Variants in LLGL2 observed in about 807,000 individuals in gnomAD.
LLGL2 encodes the protein LLGL scribble cell polarity complex component 2.
LLGL2 carries 81 observed loss-of-function variants against 123.2 expected under a neutral mutation model. The ratio of observed to expected loss-of-function variants is 0.66; its 90% CI spans 0.55 to 0.79. LLGL2 has a LOEUF of 0.79. LLGL2 is among the 30% of genes least tolerant of loss of function. LLGL2 has a pLI of 0.00. For missense variants in LLGL2, 1,273 were observed against 1,414.6 expected, an observed-to-expected ratio of 0.90 and a Z score of 1.61; for synonymous variants, 577 against 594.1, an observed-to-expected ratio of 0.97 and a Z score of 0.42.
At chr17:75,526,601 C>A (rs1398585183) in intron 1 of LLGL2, among the ~76,000 whole-genome samples, 1 of 152,110 alleles carries the variant, frequency 6.6e-6, no homozygotes, top group Non-Finnish European at 1.5e-5. Context: ...AGGCTCTCAC[C>A]TGAACAGGTG....
rs377462870 is a variant in LLGL2, at chr17:75,563,104, G to A, written c.619G>A (p.Gly207Ser). 2.6e-5 allele frequency: 42 copies of A among 1,613,068 alleles called. No homozygotes were observed. The highest frequency in any genetic ancestry group is 5.3e-5 in the African/African-American group (4 of 74,948). Residue 207 changes from glycine to serine, a missense_variant, in exon 7 of 26, where the codon GGC becomes AGC. Gly to Ser is a moderately conservative substitution (Grantham distance 56, BLOSUM62 0). Transcript: ENST00000392550. ...TCGAGACCCCAACCAGATCCTGATC[G>A]GCTACAGCCGAGGCCTCGTTGTCAT... is the stretch of plus-strand genomic sequence containing the variant. ...HPRDPNQILI[G>S]YSRGLVVIWD... is the part of the protein sequence containing the mutation.
intron 1 of LLGL2, among the ~76,000 whole-genome samples, chr17:75,528,262 C>T (rs2147056856): frequency 6.6e-6 from 1 of 152,104 alleles, no homozygotes; most frequent in South Asian, 2.1e-4. Context: ...ACCACAGGCG[C>T]CTGCCATCAC....
chr17:75,558,353 G>A lies in LLGL2; in HGVS notation c.255+117G>A. The A allele has an allele frequency of 8.3e-7, 1 of 1,200,224 alleles. No individual in the cohort carries two copies. The highest frequency in any genetic ancestry group is 1.2e-6 in the Non-Finnish European group (1 of 851,444). The allele number at this position is 1,200,224 out of a possible 1,614,324, so 74.3% of individuals were successfully genotyped here. A position where few individuals can be genotyped will look rare whatever the true frequency, so the allele number is the denominator to read the frequency against. ...GGTGGCCCTGGGTTTGCTGCTGATG[G>A]AAAGACCTGGGACCCCCTCCCTTTC... On this transcript the variant is annotated intron_variant, in intron 4 of 25. Coordinates refer to ENST00000392550, the MANE Select transcript of LLGL2 (RefSeq NM_001031803.2). The surrounding 1 kb of genome is among the most constrained non-coding windows in gnomAD (Gnocchi z 4.0).
At chr17:75,538,437 C>T (rs957829233) in intron 1 of LLGL2, 3 of 152,204 alleles carry the variant, frequency 2.0e-5, no homozygotes, top group South Asian at 2.1e-4. Flanking sequence ...TTCTGCCTAA[C>T]ACACTGTGCC....
chr17:75,526,226 G>C (rs1055435513), intron 1 of LLGL2, among the ~76,000 whole-genome samples: 1 of 151,968 alleles, frequency 6.6e-6, no homozygotes, highest in Non-Finnish European at 1.5e-5. Context: ...CCTCCCCACG[G>C]GCGGCGGCCG....
rs1409870565 is a variant in LLGL2 at position 75,547,662 on chromosome 17, T to G, written c.75+4161T>G. Among the ~76,000 whole-genome samples the G allele has an allele frequency of 6.6e-5, 10 of 152,122 alleles. 1 individual carries two copies. In the Middle Eastern group the frequency reaches 0.014, roughly 207 times the overall value. ...CAACATGGCGAAACCCCATCTCTAC[T>G]AAAAATACAAAAATCAGTTGGGTGT... On this transcript the variant is annotated intron_variant, in intron 2 of 25. Coordinates refer to ENST00000392550, the MANE Select transcript of LLGL2 (RefSeq NM_001031803.2).
intron 10 of LLGL2, among the ~76,000 whole-genome samples, chr17:75,566,588 G>C (rs2055452694): frequency 6.6e-6 from 1 of 152,200 alleles, no homozygotes; most frequent in Non-Finnish European, 1.5e-5. Context: ...ACAACACAAG[G>C]GGCGTATCCG....
intron 2 of LLGL2, among the ~76,000 whole-genome samples, chr17:75,554,758 G>A (rs1476605743): frequency 2.6e-5 from 4 of 151,854 alleles, no homozygotes; most frequent in South Asian, 2.1e-4. Context: ...GCGTGGTGGC[G>A]GGCGCCTGTA....
At chr17:75,574,380 GA>G (rs2055877755) in intron 23 of LLGL2, 72 bp from the exon 24 acceptor site, 1 of 1,539,778 alleles carries the variant, frequency 6.5e-7, no homozygotes, top group East Asian at 2.4e-5. Context: ...CACCCACGGA[GA>G]AAGGGGGTGG....
chr17:75,525,811 G>C lies in LLGL2; in HGVS notation c.-45G>C, dbSNP rs1330334423. The C allele has an allele frequency of 6.6e-6, 1 of 151,542 alleles. No homozygotes were observed. The highest frequency in any genetic ancestry group is 1.5e-5 in the Non-Finnish European group (1 of 67,826). The allele number at this position is 151,542 out of a possible 1,614,324, so 9.4% of individuals were successfully genotyped here. On this transcript the variant is annotated 5_prime_UTR_variant, in exon 1 of 26. Transcript: ENST00000392550. This position sits in a 1 kb window ranked among gnomAD's most constrained non-coding sequence, Gnocchi z 4.8. The stretch of plus-strand genomic sequence containing the variant: ...GACGCCGAGGCCTCGGGCGGGGGCT[G>C]GCCCGGGGTTCCAGGTGAGATGCGT...
intron 1 of LLGL2, 22 bp from the exon 2 acceptor site, chr17:75,543,375 G>C: frequency 1.9e-6 from 3 of 1,552,630 alleles, no homozygotes; most frequent in Non-Finnish European, 2.6e-6. Flanking sequence ...ACAGACCCCT[G>C]CAGCTCCTTC....
intron 21 of LLGL2, 140 bp downstream of exon 21, chr17:75,573,771 GC>G (rs1487200845): frequency 2.3e-5 from 28 of 1,210,094 alleles, no homozygotes; most frequent in Non-Finnish European, 3.1e-5. Flanking sequence ...GGCTCTCCTT[GC>G]CTCTTTGCGT....
At chr17:75,557,731 G>T (rs1487750573) in intron 3 of LLGL2, 3 of 327,432 alleles carry the variant, frequency 9.2e-6, no homozygotes, top group Non-Finnish European at 1.8e-5. Flanking sequence ...GCCACAGCCA[G>T]ACTCTAGTTA....
upstream of LLGL2, chr17:75,525,056 C>A (rs1332545999): frequency 6.4e-6 from 1 of 155,678 alleles, no homozygotes; most frequent in Non-Finnish European, 1.4e-5. The surrounding 1 kb of genome is among the most constrained non-coding windows in gnomAD (Gnocchi z 4.8). Context: ...CGGTGGAGCG[C>A]GCTGCAGCCC....
Position 75,559,601 on chromosome 17 carries a change from A to G in LLGL2, c.530+191A>G, listed in dbSNP as rs1375924721. Among the ~76,000 whole-genome samples, 1 of 152,212 alleles carries G rather than the reference A, an allele frequency of 6.6e-6. No individual in the cohort carries two copies. The highest frequency in any genetic ancestry group is 1.5e-5 in the Non-Finnish European group (1 of 68,040). ...TATTGGCCTGTCATAGGTTAGCATC[A>G]TAGCACTAAAAAGGGGGCTTTGAGG... is the stretch of plus-strand genomic sequence containing the variant. On this transcript the variant is annotated intron_variant, in intron 6 of 25. Transcript: ENST00000392550. The surrounding 1 kb of genome is among the most constrained non-coding windows in gnomAD (Gnocchi z 4.6).
chr17:75,554,936 A>C lies in LLGL2; in HGVS notation c.76-1110A>C, dbSNP rs898714815. 4.0e-5 allele frequency among the ~76,000 whole-genome samples: 6 copies of C among 149,492 alleles called. No individual in the cohort carries two copies. The Admixed American group carries it at 4.1e-4, about 10-fold the overall frequency. The stretch of plus-strand genomic sequence containing the variant: ...CTGGGTGCGGGTGGCTCACGCTTGT[A>C]ATCCTAGCACTTTGGGAGGCTGAGG... On this transcript the variant is annotated intron_variant, in intron 2 of 25. Transcript: ENST00000392550.
At chr17:75,569,195 C>T in intron 13 of LLGL2, 26 bp from the exon 14 acceptor site, 2 of 1,612,172 alleles carry the variant, frequency 1.2e-6, no homozygotes, top group Non-Finnish European at 8.5e-7. Flanking sequence ...CCCGTGGCTG[C>T]TCACAGGGCC....
At position 75,559,482 on chromosome 17, in the gene LLGL2, G is replaced by GTCCC. The variant is rs2147393723; in HGVS notation, c.530+72_530+73insTCCC. Reference sequence around the variant, plus strand: ...GCATGGCTTCTCCCCTTGGTCCCAGGACTCTGTCAGGAGCTGTCATTTCTC... The same window carrying GTCCC: ...GCATGGCTTCTCCCCTTGGTCCCAGGTCCCACTCTGTCAGGAGCTGTCATTTCTC... On this transcript the variant is annotated intron_variant, in intron 6 of 25. Transcript: ENST00000392550. This position sits in a 1 kb window ranked among gnomAD's most constrained non-coding sequence, Gnocchi z 4.6. The GTCCC allele has an allele frequency of 1.3e-6, 2 of 1,510,744 alleles. No homozygotes were observed. The highest frequency in any genetic ancestry group is 2.6e-5 in the South Asian group (2 of 78,100). 93.6% of individuals were successfully genotyped at this position (1,510,744 alleles called of 1,614,324 possible). A position where few individuals can be genotyped will look rare whatever the true frequency, so the allele number is the denominator to read the frequency against.
intron 9 of LLGL2, 78 bp downstream of exon 9, chr17:75,563,884 G>T (rs1438899175): frequency 7.7e-6 from 11 of 1,433,534 alleles, no homozygotes; most frequent in Non-Finnish European, 1.1e-5. Context: ...CCTCTGCCTG[G>T]GAAGTTGGTG....
Sources: gnomAD v4.1 joint callset for allele counts (sites outside exome capture counted in the v4.1 genomes callset) on GRCh38, gnomAD v4.1.1 for gene constraint, Gnocchi (gnomAD v3.1) non-coding constraint, MANE v1.5 for transcripts, NCBI Gene and HGNC (gene_info 2026-07-23, HGNC 2026-07-21) for gene names.